FKBP15: variants seen among roughly 807,000 people sequenced by gnomAD.
FKBP15 encodes the protein FKBP prolyl isomerase family member 15.
A neutral mutation model predicts 158.1 loss-of-function variants in FKBP15; 106 were observed. The observed-to-expected ratio is 0.67, with a 90% CI of 0.57 to 0.79. FKBP15 has a LOEUF of 0.79. Ranked by LOEUF, FKBP15 falls within the 30% of genes least tolerant of loss-of-function variation. FKBP15 has a pLI of 0.00. For missense variants in FKBP15, 1,287 were observed against 1,479.1 expected, an observed-to-expected ratio of 0.87 and a Z score of 2.13; for synonymous variants, 547 against 548.6, an observed-to-expected ratio of 1.00 and a Z score of 0.04.
Position 113,196,944 on chromosome 9 carries a change from C to G in FKBP15, c.852G>C (p.Val284=). The G allele has an allele frequency of 6.2e-7, 1 of 1,613,940 alleles. No homozygotes were observed. Among genetic ancestry groups the G allele is most frequent in the Non-Finnish European group, 8.5e-7 (1 of 1,179,826 alleles). ...QATDSILVFE[V]EVRRVKFARD... ...GAGTTTCACTCACCCGCCTAACCTC[C>G]ACCTCGAACACCAGGATCGAGTCCG... is the stretch of plus-strand genomic sequence containing the variant. The change falls in exon 9 of 28, where the codon GTG becomes GTC. Residue 284 remains valine (V), a synonymous_variant. Coordinates refer to ENST00000238256, the MANE Select transcript of FKBP15 (RefSeq NM_015258.2).
rs774647096 is a variant in FKBP15 at position 113,169,477 on chromosome 9, C to A, written c.3232G>T (p.Val1078Phe). ...TCTGGTGCTACTTCCCTGACACAGACCTTTCCTGATGGGTTGTCGGGCTTA... is the reference window on the plus strand; with the variant it reads ...TCTGGTGCTACTTCCCTGACACAGAACTTTCCTGATGGGTTGTCGGGCTTA... ...AAKPDNPSGK[V>F]CVREVAPDGP... Residue 1078 changes from valine to phenylalanine, a missense_variant, in exon 26 of 28, where the codon GTC becomes TTC. By Grantham distance (50) the Val-to-Phe change is conservative. Transcript: ENST00000238256. The A allele has an allele frequency of 6.2e-6, 10 of 1,614,050 alleles. No individual in the cohort carries two copies. The South Asian group carries it at 9.9e-5, about 16-fold the overall frequency.
intron 20 of FKBP15, 125 bp from the exon 21 acceptor site, chr9:113,176,798 G>A: frequency 1.9e-6 from 2 of 1,037,374 alleles, no homozygotes; most frequent in Non-Finnish European, 1.4e-6. Context: ...ACTCAGGCTG[G>A]AGTGCAGTGG....
chr9:113,167,219 T>C (rs1320525613), intron 27 of FKBP15, among the ~76,000 whole-genome samples: 1 of 152,202 alleles, frequency 6.6e-6, no homozygotes, highest in Non-Finnish European at 1.5e-5. Context: ...GCCTCAGCCC[T>C]CTGATATATA....
At chr9:113,183,970 T>C (rs893032612) in intron 17 of FKBP15, 125 bp from the exon 18 acceptor site, 21 of 695,580 alleles carry the variant, frequency 3.0e-5, no homozygotes, top group South Asian at 2.5e-4. Flanking sequence ...CTAGAACTTA[T>C]GTCCACATGT....
chr9:113,189,068 C>T (rs1441748326), intron 12 of FKBP15, among the ~76,000 whole-genome samples: 3 of 152,156 alleles, frequency 2.0e-5, no homozygotes, highest in Admixed American at 6.5e-5. Flanking sequence ...TAACTCTAAA[C>T]AAAGTTATTC....
At chr9:113,180,435 T>C (rs1415206298) in intron 19 of FKBP15, among the ~76,000 whole-genome samples, 1 of 149,970 alleles carries the variant, frequency 6.7e-6, no homozygotes, top group Non-Finnish European at 1.5e-5. Context: ...TGTGTGTGTA[T>C]AGGTGTACTT....
At chr9:113,213,365 C>T (rs977180269) in intron 1 of FKBP15, among the ~76,000 whole-genome samples, 1 of 151,104 alleles carries the variant, frequency 6.6e-6, no homozygotes. Flanking sequence ...GCTGAGATCA[C>T]GCCACTGCAC....
At chr9:113,207,345 C>T (rs1308012651) in intron 2 of FKBP15, 49 bp from the exon 3 acceptor site, 2 of 1,438,016 alleles carry the variant, frequency 1.4e-6, no homozygotes, top group Non-Finnish European at 1.9e-6. Flanking sequence ...TTGCTTTAAA[C>T]TAATTTTTTT....
Position 113,217,348 on chromosome 9 carries a change from G to T in FKBP15, c.53+3843C>A, listed in dbSNP as rs1450922793. Among the ~76,000 whole-genome samples the T allele has an allele frequency of 7.3e-5, 11 of 151,402 alleles. No individual in the cohort carries two copies. In the East Asian group the frequency reaches 2.0e-3, roughly 27 times the overall value. ...CTACCTCAGCCTCCCACGTAGCTGG[G>T]ATTATAGGCACCTGCCACCACACCC... On this transcript the variant is annotated intron_variant, in intron 1 of 27. Coordinates refer to ENST00000238256, the MANE Select transcript of FKBP15 (RefSeq NM_015258.2).
chr9:113,176,653 G>C lies in FKBP15; in HGVS notation c.2107C>G (p.Gln703Glu), dbSNP rs1830304604. 2 of 1,608,628 alleles carry C rather than the reference G, an allele frequency of 1.2e-6. No individual in the cohort carries two copies. Among genetic ancestry groups the C allele is most frequent in the Admixed American group, 1.7e-5 (1 of 59,560 alleles). Residue 703 changes from glutamine to glutamate, a missense_variant, in exon 21 of 28, where the codon CAA becomes GAA. Transcript: ENST00000238256. ...TCACTTTTGAATTTGGACTGTGCTT[G>C]CTCAGAGGTTTCTTGGAGCTCTGGG... ...KLSELQETSEQAQSKFKSEKQ... is the reference protein window; with the variant it reads ...KLSELQETSEEAQSKFKSEKQ...
rs1830135787 is a variant in FKBP15 at position 113,168,500 on chromosome 9, C to G, written c.3542G>C (p.Arg1181Thr). Residue 1181 changes from arginine to threonine, a missense_variant, in exon 27 of 28, where the codon AGG becomes ACG. By Grantham distance (71) the Arg-to-Thr change is moderately conservative (BLOSUM62 -1). Coordinates refer to ENST00000238256, the MANE Select transcript of FKBP15 (RefSeq NM_015258.2). ...LFKGATLKAL[R>T]PKAQPEEEDE... ...CTCCTCCTCAGGCTGTGCTTTGGGCCTCAGAGCTTTCAGAGTTGCCCCTTT... is the reference window on the plus strand; with the variant it reads ...CTCCTCCTCAGGCTGTGCTTTGGGCGTCAGAGCTTTCAGAGTTGCCCCTTT... 1.9e-5 allele frequency: 31 copies of G among 1,614,028 alleles called. No individual in the cohort carries two copies. The highest frequency in any genetic ancestry group is 2.5e-5 in the Non-Finnish European group (30 of 1,179,882).
rs982771736 is a variant in FKBP15, at chr9:113,161,733, C to T, written c.*4345G>A. Reference sequence around the variant, plus strand: ...GTGGGTATGGGAAAGGGGCAGAAGCCTCACATTCACCCTGAGAGACAGGCT... The same window carrying T: ...GTGGGTATGGGAAAGGGGCAGAAGCTTCACATTCACCCTGAGAGACAGGCT... On this transcript the variant is annotated 3_prime_UTR_variant, in exon 28 of 28. Coordinates refer to ENST00000238256, the MANE Select transcript of FKBP15 (RefSeq NM_015258.2). 5.6e-6 allele frequency: 9 copies of T among 1,604,368 alleles called. No individual in the cohort carries two copies. The African/African-American group carries it at 1.2e-4, about 21-fold the overall frequency.
chr9:113,182,921 C>A, intron 18 of FKBP15, 53 bp from the exon 19 acceptor site: 1 of 1,420,396 alleles, frequency 7.0e-7, no homozygotes, highest in Non-Finnish European at 9.9e-7. Flanking sequence ...GAGTGTATGG[C>A]AGGCACAACC....
At chr9:113,183,521 A>C (rs572740737) in intron 18 of FKBP15, among the ~76,000 whole-genome samples, 1 of 152,326 alleles carries the variant, frequency 6.6e-6, no homozygotes, top group Non-Finnish European at 1.5e-5. Context: ...CCACAGAATG[A>C]ATGAGGGTCA....
Position 113,162,780 on chromosome 9 carries a change from A to T in FKBP15, c.*3298T>A. 6.2e-7 allele frequency: 1 copy of T among 1,613,678 alleles called. No individual in the cohort carries two copies. Among genetic ancestry groups the T allele is most frequent in the Admixed American group, 1.7e-5 (1 of 59,998 alleles). On this transcript the variant is annotated 3_prime_UTR_variant, in exon 28 of 28. Coordinates refer to ENST00000238256, the MANE Select transcript of FKBP15 (RefSeq NM_015258.2). ...TTTGTGTCACTTTGGCCAGTCTCTA[A>T]TCCATGTCATCCAGGTGGTCATCGG...
chr9:113,173,705 C>T, intron 22 of FKBP15, 100 bp from the exon 23 acceptor site: 1 of 1,234,404 alleles, frequency 8.1e-7, no homozygotes, highest in South Asian at 1.4e-5. Flanking sequence ...AAAGAATAAG[C>T]TAACAGCCCA....
chr9:113,162,885 T>C lies in FKBP15; in HGVS notation c.*3193A>G, dbSNP rs777566073. The C allele has an allele frequency of 3.1e-6, 5 of 1,612,468 alleles. No homozygotes were observed. Among genetic ancestry groups the C allele is most frequent in the Non-Finnish European group, 3.4e-6 (4 of 1,179,554 alleles). On this transcript the variant is annotated 3_prime_UTR_variant, in exon 28 of 28. Transcript: ENST00000238256. ...GGTCTTGGGCTCTGCTGTGGGCTAC[T>C]ACCTAGCTTACCCACTTCTCAGCAC... is the stretch of plus-strand genomic sequence containing the variant.
intron 19 of FKBP15, among the ~76,000 whole-genome samples, chr9:113,182,277 G>A (rs1830412630): frequency 1.3e-5 from 2 of 152,094 alleles, no homozygotes; most frequent in African/African-American, 4.8e-5. Context: ...GGGGAGAAGC[G>A]AGCTTCAGAA....
intron 1 of FKBP15, among the ~76,000 whole-genome samples, chr9:113,218,014 A>T (rs1831174134): frequency 6.6e-6 from 1 of 152,188 alleles, no homozygotes; most frequent in East Asian, 1.9e-4. Context: ...CTACATTAAA[A>T]AAAAATGTTA....
Sources: allele counts gnomAD v4.1 joint callset (sites outside exome capture counted in the v4.1 genomes callset), GRCh38; gene constraint gnomAD v4.1.1; transcripts MANE v1.5; gene names NCBI Gene and HGNC (gene_info 2026-07-23, HGNC 2026-07-21).